DOCK10: variants seen among roughly 807,000 people sequenced by gnomAD.
DOCK10 encodes dedicator of cytokinesis 10, also known as dedicator of cytokinesis protein 10.
Under a neutral mutation model 280.1 loss-of-function variants are expected in DOCK10, and 145 were observed. The observed-to-expected ratio is 0.52, with a 90% confidence interval of 0.45 to 0.59. The LOEUF is 0.59. Among genes scored for constraint, DOCK10 ranks in the 20% least tolerant of loss-of-function variants. The pLI, the probability that DOCK10 is intolerant of heterozygous loss-of-function variation, is 0.00. For missense variants in DOCK10, 2,368 were observed against 2,651.7 expected, an observed-to-expected ratio of 0.89 and a Z score of 2.35; for synonymous variants, 915 against 942.2, an observed-to-expected ratio of 0.97 and a Z score of 0.53.
At position 224,780,923 on chromosome 2, in the gene DOCK10, C is replaced by G. The variant is rs556102186; in HGVS notation, c.5656-2639G>C. 4.6e-5 allele frequency among the ~76,000 whole-genome samples: 7 copies of G among 151,604 alleles called. No individual in the cohort carries two copies. In the South Asian group the frequency reaches 1.5e-3, roughly 32 times the overall value. The stretch of plus-strand genomic sequence containing the variant: ...TAAAAAAAAAAAAAATGTATTGCGG[C>G]CTTGCTCATAACCTGTGACTTTCTT... On this transcript the variant is annotated intron_variant, in intron 50 of 55. Coordinates refer to ENST00000258390, the MANE Select transcript of DOCK10 (RefSeq NM_014689.3).
intron 3 of DOCK10, among the ~76,000 whole-genome samples, chr2:224,898,055 T>C (rs917218640): frequency 6.6e-6 from 1 of 152,218 alleles, no homozygotes; most frequent in Non-Finnish European, 1.5e-5. Flanking sequence ...ATTGTCTTTG[T>C]AAGCAAGAAG....
intron 51 of DOCK10, among the ~76,000 whole-genome samples, chr2:224,777,048 G>A (rs891705577): frequency 2.0e-5 from 3 of 152,176 alleles, no homozygotes; most frequent in Non-Finnish European, 4.4e-5. Flanking sequence ...GACCCTGTGC[G>A]CCTCATCTCT....
chr2:225,003,677 G>A (rs1055151477), intron 1 of DOCK10, among the ~76,000 whole-genome samples: 7 of 152,140 alleles, frequency 4.6e-5, no homozygotes, highest in African/African-American at 1.7e-4. Flanking sequence ...AATTTTACAA[G>A]GTAACATTGT....
intron 1 of DOCK10, among the ~76,000 whole-genome samples, chr2:224,963,583 C>T (rs774771064): frequency 2.6e-5 from 4 of 152,180 alleles, no homozygotes; most frequent in African/African-American, 7.2e-5. Flanking sequence ...GAGGCAGAGT[C>T]AGCTCATGTG....
At chr2:224,840,932 A>C (rs936920271) in intron 23 of DOCK10, among the ~76,000 whole-genome samples, 1 of 152,214 alleles carries the variant, frequency 6.6e-6, no homozygotes, top group Non-Finnish European at 1.5e-5. Flanking sequence ...ACAGCCTTAA[A>C]AAGGAAGGAA....
intron 26 of DOCK10, among the ~76,000 whole-genome samples, chr2:224,832,339 G>A (rs73079816): frequency 0.034 from 5,187 of 152,176 alleles, 290 homozygotes; most frequent in African/African-American, 0.12. Context: ...GTTGAAGCAC[G>A]TAGCTGGGGG....
At chr2:224,943,432 G>T (rs1433684219) in intron 1 of DOCK10, among the ~76,000 whole-genome samples, 1 of 152,150 alleles carries the variant, frequency 6.6e-6, no homozygotes, top group Non-Finnish European at 1.5e-5. Context: ...AAGTCACAGA[G>T]CTCTGGATAG....
At chr2:224,830,512 T>A in intron 27 of DOCK10, 29 bp downstream of exon 27, 1 of 1,191,958 alleles carries the variant, frequency 8.4e-7, no homozygotes, top group Non-Finnish European at 1.1e-6. Context: ...TGTAAAAATA[T>A]TATAATATTA....
chr2:224,926,008 G>A (rs547105748), intron 2 of DOCK10, among the ~76,000 whole-genome samples: 1 of 152,102 alleles, frequency 6.6e-6, no homozygotes, highest in South Asian at 2.1e-4. Context: ...TTGTTTTAAA[G>A]TTTCTATTAC....
At chr2:224,831,698 T>C (rs183473729) in intron 26 of DOCK10, among the ~76,000 whole-genome samples, 216 of 152,348 alleles carry the variant, frequency 1.4e-3, no homozygotes, top group African/African-American at 5.0e-3. Context: ...TGAGCTCTTT[T>C]GGAAACTGTC....
chr2:224,811,229 T>C (rs1693749894), intron 31 of DOCK10, among the ~76,000 whole-genome samples: 1 of 152,250 alleles, frequency 6.6e-6, no homozygotes, highest in Non-Finnish European at 1.5e-5. Flanking sequence ...ATTTCTCTGA[T>C]GGCCAGTGAC....
chr2:225,027,051 G>A (rs139055817), intron 1 of DOCK10, among the ~76,000 whole-genome samples: 163 of 152,300 alleles, frequency 1.1e-3, no homozygotes, highest in African/African-American at 3.7e-3. Flanking sequence ...CATAGAGCAC[G>A]TGGTTCTTCC....
At chr2:224,859,764 G>A (rs899022401) in intron 14 of DOCK10, among the ~76,000 whole-genome samples, 3 of 152,194 alleles carry the variant, frequency 2.0e-5, no homozygotes, top group African/African-American at 7.2e-5. Context: ...ACAGGAAGGA[G>A]CAGTAGCCTC....
At chr2:224,995,707 T>C (rs1464418543) in intron 1 of DOCK10, among the ~76,000 whole-genome samples, 1 of 151,924 alleles carries the variant, frequency 6.6e-6, no homozygotes, top group East Asian at 1.9e-4. Flanking sequence ...GCATGGTTAA[T>C]TGTGCAAATC....
At chr2:224,943,318 C>A (rs1703197553) in intron 1 of DOCK10, among the ~76,000 whole-genome samples, 1 of 151,568 alleles carries the variant, frequency 6.6e-6, no homozygotes, top group Non-Finnish European at 1.5e-5. Context: ...AAAAATTCTA[C>A]ATAAAATATA....
chr2:224,772,058 T>A (rs1010233845), intron 53 of DOCK10, among the ~76,000 whole-genome samples: 2 of 152,036 alleles, frequency 1.3e-5, no homozygotes, highest in Non-Finnish European at 2.9e-5. Flanking sequence ...CTAGCTGGGA[T>A]TACAGGCGTG....
chr2:225,041,436 A>ACGG (rs1690421195), intron 1 of DOCK10, among the ~76,000 whole-genome samples: 1 of 152,142 alleles, frequency 6.6e-6, no homozygotes, highest in Admixed American at 6.5e-5. Context: ...ACCTACTGCA[A>ACGG]CGCAGGAACA....
rs1177957012 is a variant in DOCK10, at chr2:224,845,247, G to T, written c.2437C>A (p.Leu813Met). Residue 813 changes from leucine to methionine, a missense_variant, in exon 21 of 56, where the codon CTG becomes ATG. By Grantham distance (15) the Leu-to-Met change is conservative. Transcript: ENST00000258390. ...TGAAAGCTTAAATAATTAGGAGGCA[G>T]ACTTGTTGCTATTGGGATGTTGTAC... ...QEYNIPIATS[L>M]PPNYLSFQDS... is the part of the protein sequence containing the mutation. 1 of 1,585,050 alleles carries T rather than the reference G, an allele frequency of 6.3e-7. No individual in the cohort carries two copies. Among genetic ancestry groups the T allele is most frequent in the East Asian group, 2.3e-5 (1 of 44,176 alleles).
At chr2:224,992,755 G>T (rs550825144) in intron 1 of DOCK10, among the ~76,000 whole-genome samples, 24 of 152,310 alleles carry the variant, frequency 1.6e-4, no homozygotes, top group Non-Finnish European at 2.2e-4. Context: ...ACACTAATTA[G>T]GACTGCAGAC....
Sources: allele counts gnomAD v4.1 joint callset (sites outside exome capture counted in the v4.1 genomes callset), GRCh38; gene constraint gnomAD v4.1.1; transcripts MANE v1.5; gene names NCBI Gene and HGNC (gene_info 2026-07-23, HGNC 2026-07-21).